The following SS18L1 variants were observed in gnomAD, a reference collection of about 807,000 sequenced individuals.
The protein encoded by SS18L1 is SS18L1 subunit of BAF chromatin remodeling complex.
A neutral mutation model predicts 70.3 loss-of-function variants in SS18L1; 32 were observed. The ratio of observed to expected loss-of-function variants is 0.46; its 90% confidence interval spans 0.34 to 0.61. SS18L1 has a LOEUF of 0.61. SS18L1 is among the 20% of genes least tolerant of loss of function. SS18L1 has a pLI of 0.01. For synonymous variants in SS18L1, 237 were observed against 229.7 expected (o/e 1.03, Z -0.29); for missense variants, 430 against 542.1 (o/e 0.79, Z 2.05).
chr20:62,148,899 G>A (rs1161692076), intron 1 of SS18L1, among the ~76,000 whole-genome samples: 2 of 152,240 alleles, frequency 1.3e-5, no homozygotes, highest in South Asian at 2.1e-4. Context: ...TCCAAGGCTG[G>A]TGGGTCTCCA....
intron 8 of SS18L1, among the ~76,000 whole-genome samples, chr20:62,172,327 T>TG (rs2057546010): frequency 7.6e-6 from 1 of 131,984 alleles, no homozygotes; most frequent in Non-Finnish European, 1.5e-5. Context: ...GCCCTGTCTC[T>TG]GAAAAAAAAA....
chr20:62,145,176 C>G (rs1259053958), intron 1 of SS18L1, among the ~76,000 whole-genome samples: 1 of 152,218 alleles, frequency 6.6e-6, no homozygotes, highest in African/African-American at 2.4e-5. Flanking sequence ...TGGCGCTTAC[C>G]GTATCCCAGA....
chr20:62,163,056 C>G, intron 5 of SS18L1, 125 bp downstream of exon 5: 3 of 1,314,822 alleles, frequency 2.3e-6, no homozygotes, highest in Non-Finnish European at 3.1e-6. Flanking sequence ...GGGAGGGGCC[C>G]GTGAATCGGG....
chr20:62,150,609 G>A (rs1307795239), intron 1 of SS18L1, among the ~76,000 whole-genome samples: 1 of 143,380 alleles, frequency 7.0e-6, no homozygotes, highest in Admixed American at 7.0e-5. Context: ...GGAATTCTCC[G>A]GAGCATAAGA....
rs549928463 is a variant in SS18L1, at chr20:62,151,899, G to T, written c.70-6773G>T. ...GCCTTCCCCGTTCCCCTCTTTTCCC[G>T]ATCCCCAGAGCTGGCCTCCCCCGTT... On this transcript the variant is annotated intron_variant, in intron 1 of 10. Coordinates refer to ENST00000331758, the MANE Select transcript of SS18L1 (RefSeq NM_198935.3). 7.8e-3 allele frequency among the ~76,000 whole-genome samples: 924 copies of T among 118,270 alleles called. 6 individuals are homozygous for T. The highest frequency in any genetic ancestry group is 9.4e-3 in the African/African-American group (260 of 27,542). The allele number at this position is 118,270 out of a possible 152,430, so 77.6% of individuals were successfully genotyped here. A position where few individuals can be genotyped will look rare whatever the true frequency, so the allele number is the denominator to read the frequency against.
intron 1 of SS18L1, among the ~76,000 whole-genome samples, chr20:62,152,364 G>A (rs952963628): frequency 8.5e-5 from 13 of 152,176 alleles, no homozygotes; most frequent in Non-Finnish European, 1.6e-4. Flanking sequence ...TGCGGCCCCC[G>A]ATGCCAGCCT....
chr20:62,144,267 C>G (rs2056980295), intron 1 of SS18L1, among the ~76,000 whole-genome samples: 1 of 151,986 alleles, frequency 6.6e-6, no homozygotes, highest in Admixed American at 6.6e-5. Context: ...GGGGACCCCT[C>G]GGGGCCGGAG....
rs2057582385 is a variant in SS18L1, at chr20:62,174,316, T to G, written c.1037-201T>G. 6.6e-6 allele frequency among the ~76,000 whole-genome samples: 1 copy of G among 150,906 alleles called. No individual in the cohort carries two copies. Among genetic ancestry groups the G allele is most frequent in the Non-Finnish European group, 1.5e-5 (1 of 68,002 alleles). ...GGACTGGAGGGGCTGGTGAGTCGGT[T>G]ACGTGGTGCTCTCGCTGTACAGAGT... is the stretch of plus-strand genomic sequence containing the variant. On this transcript the variant is annotated intron_variant, in intron 9 of 10. Coordinates refer to ENST00000331758, the MANE Select transcript of SS18L1 (RefSeq NM_198935.3). The surrounding 1 kb of genome is among the most constrained non-coding windows in gnomAD (Gnocchi z 4.1).
chr20:62,178,016 C>A (rs1237347772), intron 10 of SS18L1, among the ~76,000 whole-genome samples: 1 of 101,376 alleles, frequency 9.9e-6, no homozygotes, highest in Non-Finnish European at 1.9e-5. Context: ...TGTGCCTGGC[C>A]TTTTTTTTTT....
chr20:62,165,881 G>C (rs975858292), intron 8 of SS18L1, among the ~76,000 whole-genome samples: 1 of 151,236 alleles, frequency 6.6e-6, no homozygotes, highest in Non-Finnish European at 1.5e-5. Flanking sequence ...GGATCGTGGG[G>C]CCTGCGAGCC....
intron 1 of SS18L1, among the ~76,000 whole-genome samples, chr20:62,151,322 A>C (rs1164127967): frequency 6.6e-6 from 1 of 152,214 alleles, no homozygotes; most frequent in South Asian, 2.1e-4. Flanking sequence ...TGGGCCCTCC[A>C]AGCCAAGCCC....
chr20:62,170,606 C>A (rs1313286233), intron 8 of SS18L1, among the ~76,000 whole-genome samples: 4 of 152,258 alleles, frequency 2.6e-5, no homozygotes, highest in African/African-American at 9.6e-5. Context: ...GCCTGGGCTC[C>A]CCCGAGCCCT....
chr20:62,173,189 A>G (rs1057476002), intron 9 of SS18L1, among the ~76,000 whole-genome samples: 5 of 152,124 alleles, frequency 3.3e-5, no homozygotes, highest in South Asian at 2.1e-4. Flanking sequence ...CCCAGCTTCA[A>G]CCTCTTTGAC....
intron 8 of SS18L1, 108 bp from the exon 9 acceptor site, chr20:62,172,574 T>C: frequency 1.3e-6 from 2 of 1,525,308 alleles, no homozygotes; most frequent in Admixed American, 1.7e-5. Context: ...GCCGAAGCAA[T>C]GGATTTGGTT....
intron 1 of SS18L1, among the ~76,000 whole-genome samples, chr20:62,156,766 C>T (rs1200491426): frequency 6.6e-6 from 1 of 152,228 alleles, no homozygotes; most frequent in African/African-American, 2.4e-5. Flanking sequence ...GGCCCCAAGG[C>T]CCCAGGCAGG....
chr20:62,176,144 T>C (rs993293328), intron 10 of SS18L1, among the ~76,000 whole-genome samples: 2 of 152,250 alleles, frequency 1.3e-5, no homozygotes, highest in South Asian at 2.1e-4. Context: ...AAATAACTTA[T>C]TTGGATTTTG....
chr20:62,151,717 T>A (rs1161194625), intron 1 of SS18L1, among the ~76,000 whole-genome samples: 2 of 152,182 alleles, frequency 1.3e-5, no homozygotes, highest in Non-Finnish European at 2.9e-5. Context: ...GGGATCTTGG[T>A]CCAGCCAGTC....
intron 1 of SS18L1, among the ~76,000 whole-genome samples, chr20:62,144,547 C>T (rs1251063209): frequency 1.3e-5 from 2 of 152,246 alleles, no homozygotes; most frequent in Non-Finnish European, 2.9e-5. Context: ...CCCTCCGTAT[C>T]CTCGCGGCTA....
intron 8 of SS18L1, among the ~76,000 whole-genome samples, chr20:62,172,095 C>T (rs544582995): frequency 2.3e-4 from 34 of 150,336 alleles, no homozygotes; most frequent in Non-Finnish European, 3.5e-4. Flanking sequence ...CCGGGTGGGG[C>T]GGAGCTTGCA....
Sources: gnomAD v4.1 joint callset for allele counts (sites outside exome capture counted in the v4.1 genomes callset) on GRCh38, gnomAD v4.1.1 for gene constraint, Gnocchi (gnomAD v3.1) non-coding constraint, MANE v1.5 for transcripts, NCBI Gene and HGNC (gene_info 2026-07-23, HGNC 2026-07-21) for gene names.